The following SAMD4A variants were observed in gnomAD, a reference collection of about 807,000 sequenced individuals.
SAMD4A encodes the protein protein Smaug homolog 1.
A neutral mutation model predicts 81.3 loss-of-function variants in SAMD4A; 33 were observed. The ratio of observed to expected loss-of-function variants is 0.41; its 90% CI spans 0.31 to 0.54. SAMD4A has a LOEUF of 0.54. Ranked by LOEUF, SAMD4A falls within the 20% of genes least tolerant of loss-of-function variation. SAMD4A has a pLI of 0.37. For synonymous variants in SAMD4A, 389 were observed against 382.1 expected (o/e 1.02, Z -0.21); for missense variants, 854 against 951.1 (o/e 0.90, Z 1.34).
At chr14:54,674,907 C>T (rs1399754295) in intron 2 of SAMD4A, among the ~76,000 whole-genome samples, 1 of 152,160 alleles carries the variant, frequency 6.6e-6, no homozygotes, top group African/African-American at 2.4e-5. Flanking sequence ...TGCCATGATG[C>T]CCAGCGAATT....
At chr14:54,608,389 C>CT (rs1230185890) in intron 2 of SAMD4A, among the ~76,000 whole-genome samples, 1 of 152,206 alleles carries the variant, frequency 6.6e-6, no homozygotes, top group African/African-American at 2.4e-5. Context: ...ATAACAATTA[C>CT]TTTTTGTTAT....
intron 2 of SAMD4A, among the ~76,000 whole-genome samples, chr14:54,646,564 T>C (rs2035292299): frequency 6.6e-6 from 1 of 152,178 alleles, no homozygotes; most frequent in South Asian, 2.1e-4. Flanking sequence ...AAGAGAAGAA[T>C]GGATGGCCAG....
chr14:54,637,007 C>G lies in SAMD4A; in HGVS notation c.197-65055C>G, dbSNP rs184301909. Among the ~76,000 whole-genome samples, 188 of 152,064 alleles carry G rather than the reference C, an allele frequency of 1.2e-3. 1 individual carries two copies. Among genetic ancestry groups the G allele is most frequent in the Non-Finnish European group, 2.4e-3 (162 of 68,002 alleles). ...TATGGCATGGAACTGCATGAGCTCA[C>G]CAGGGGAGTGACGGTAAATAAAGAG... On this transcript the variant is annotated intron_variant, in intron 2 of 12. Transcript: ENST00000554335.
chr14:54,602,203 A>T (rs923990492), intron 2 of SAMD4A, among the ~76,000 whole-genome samples: 3 of 152,108 alleles, frequency 2.0e-5, no homozygotes, highest in African/African-American at 7.2e-5. Context: ...CCAAGTCTGG[A>T]TTATTTCCTT....
chr14:54,700,203 C>G (rs903938773), intron 2 of SAMD4A, among the ~76,000 whole-genome samples: 1 of 152,142 alleles, frequency 6.6e-6, no homozygotes, highest in Admixed American at 6.5e-5. Context: ...TTGACCAGCC[C>G]TTTTGCTACT....
rs559962364 is a variant in SAMD4A, at chr14:54,784,410, C to T, written c.2045-127C>T. ...GGTTGAGCCTGAGTGGAGCCCCTTCCATGCCAGCGCTGACAGTCCCCAAGT... is the reference window on the plus strand; with the variant it reads ...GGTTGAGCCTGAGTGGAGCCCCTTCTATGCCAGCGCTGACAGTCCCCAAGT... On this transcript the variant is annotated intron_variant, in intron 11 of 12. Transcript: ENST00000554335. 5 of 1,598,550 alleles carry T rather than the reference C, an allele frequency of 3.1e-6. No individual in the cohort carries two copies. In the Admixed American group the frequency reaches 5.3e-5, roughly 17 times the overall value.
Position 54,760,188 on chromosome 14 carries a change from A to G in SAMD4A, c.1204A>G (p.Ile402Val). The change falls in exon 7 of 13, where the codon ATC (isoleucine) becomes GTC (valine). Residue 402 changes from isoleucine to valine, a missense_variant. Ile to Val is a conservative substitution (Grantham distance 29). Coordinates refer to ENST00000554335, the MANE Select transcript of SAMD4A (RefSeq NM_015589.6). ...CATCATCGAGGGGGGCAGCCTGCGC[A>G]TCCCGCTCCAGGAACTGCACCAGAT... ...RDIIEGGSLR[I>V]PLQELHQMIL... 6.2e-7 allele frequency: 1 copy of G among 1,612,906 alleles called. No homozygotes were observed. The highest frequency in any genetic ancestry group is 1.1e-5 in the South Asian group (1 of 90,872).
At chr14:54,601,583 A>C (rs949320998) in intron 2 of SAMD4A, among the ~76,000 whole-genome samples, 6 of 152,154 alleles carry the variant, frequency 3.9e-5, no homozygotes, top group Non-Finnish European at 8.8e-5. Context: ...CTATTGTACA[A>C]ATATTTTTAT....
chr14:54,681,867 G>T, intron 2 of SAMD4A: 1 of 985,432 alleles, frequency 1.0e-6, no homozygotes, highest in Non-Finnish European at 1.2e-6. Flanking sequence ...AGCGGTTTAA[G>T]TAAGCTGTGA....
At chr14:54,566,701 C>T (rs2032946606), upstream of SAMD4A, among the ~76,000 whole-genome samples, 2 of 151,818 alleles carry the variant, frequency 1.3e-5, no homozygotes, top group East Asian at 3.9e-4. Context: ...GGCTCCGGGC[C>T]GGACAGACCA....
At chr14:54,716,578 G>A (rs376647456) in intron 3 of SAMD4A, among the ~76,000 whole-genome samples, 1 of 152,108 alleles carries the variant, frequency 6.6e-6, no homozygotes, top group South Asian at 2.1e-4. Context: ...TTCAGGATAT[G>A]AATTTTCTTA....
At chr14:54,725,738 T>C (rs2037397849) in intron 3 of SAMD4A, among the ~76,000 whole-genome samples, 1 of 152,212 alleles carries the variant, frequency 6.6e-6, no homozygotes, top group Non-Finnish European at 1.5e-5. Flanking sequence ...AATGATTAGA[T>C]TTTTTCCAAT....
Position 54,702,159 on chromosome 14 carries a change from A to T in SAMD4A, c.294A>T (p.Lys98Asn), listed in dbSNP as rs1214829692. ...PLLKPGNLDAKVEYMKLLPKI... is the reference protein window; with the variant it reads ...PLLKPGNLDANVEYMKLLPKI... Reference sequence around the variant, plus strand: ...TGAAGCCAGGAAACCTCGACGCGAAAGTAGAATATATGAAACTGCTGCCCA... The same window carrying T: ...TGAAGCCAGGAAACCTCGACGCGAATGTAGAATATATGAAACTGCTGCCCA... The change falls in exon 3 of 13, where the codon AAA becomes AAT. Residue 98 changes from lysine to asparagine, a missense_variant. Transcript: ENST00000554335. 6.2e-7 allele frequency: 1 copy of T among 1,614,060 alleles called. No homozygotes were observed. Among genetic ancestry groups the T allele is most frequent in the Non-Finnish European group, 8.5e-7 (1 of 1,180,022 alleles).
chr14:54,602,402 G>C (rs1051796684), intron 2 of SAMD4A, among the ~76,000 whole-genome samples: 1 of 150,156 alleles, frequency 6.7e-6, no homozygotes, highest in African/African-American at 2.5e-5. Context: ...ACAGACAGTG[G>C]CTTTCAGGGA....
intron 3 of SAMD4A, among the ~76,000 whole-genome samples, chr14:54,716,393 A>G (rs774933939): frequency 2.0e-5 from 3 of 152,206 alleles, no homozygotes; most frequent in Admixed American, 1.3e-4. Flanking sequence ...GAGGGTACAT[A>G]GTATTAAGAA....
chr14:54,690,643 G>A (rs919827822), intron 2 of SAMD4A, among the ~76,000 whole-genome samples: 1 of 152,120 alleles, frequency 6.6e-6, no homozygotes, highest in African/African-American at 2.4e-5. Flanking sequence ...GGCTATCTCT[G>A]ATACCACAAA....
At chr14:54,600,678 G>T (rs936233602) in intron 2 of SAMD4A, among the ~76,000 whole-genome samples, 1 of 152,230 alleles carries the variant, frequency 6.6e-6, no homozygotes, top group African/African-American at 2.4e-5. Flanking sequence ...TATGAGTCTT[G>T]TTGGTAGGAT....
intron 4 of SAMD4A, among the ~76,000 whole-genome samples, chr14:54,737,916 G>A (rs1330140104): frequency 6.6e-6 from 1 of 150,712 alleles, no homozygotes; most frequent in Non-Finnish European, 1.5e-5. Flanking sequence ...CTTTTGTGTA[G>A]CATAAATAAA....
In SAMD4A at chr14:54,789,181, G is replaced by T. The variant is rs919578863; in HGVS notation, c.*237G>T. On this transcript the variant is annotated 3_prime_UTR_variant, in exon 13 of 13. Transcript: ENST00000554335. ...CATGGGATGGTTTGGTGTGTGGGGTGGGGAGGGGTCTCTAGGGAATTATGA... is the reference window on the plus strand; with the variant it reads ...CATGGGATGGTTTGGTGTGTGGGGTTGGGAGGGGTCTCTAGGGAATTATGA... The T allele has an allele frequency of 8.9e-6, 5 of 562,840 alleles. No homozygotes were observed. The highest frequency in any genetic ancestry group is 8.1e-5 in the South Asian group (4 of 49,198). The allele number at this position is 562,840 out of a possible 1,614,324, so 34.9% of individuals were successfully genotyped here.
Sources: allele counts gnomAD v4.1 joint callset (sites outside exome capture counted in the v4.1 genomes callset), GRCh38; gene constraint gnomAD v4.1.1; transcripts MANE v1.5; gene names NCBI Gene and HGNC (gene_info 2026-07-23, HGNC 2026-07-21).